The following IGF1R variants were observed in gnomAD, a reference collection of about 807,000 sequenced individuals.
The protein encoded by IGF1R is insulin-like growth factor 1 receptor.
In IGF1R, 44 loss-of-function variants were observed where a neutral mutation model predicts 144.6. The ratio of observed to expected loss-of-function variants is 0.30; its 90% CI spans 0.24 to 0.39. The LOEUF is 0.39. IGF1R is among the 10% of genes least tolerant of loss of function. The pLI, the probability that IGF1R is intolerant of heterozygous loss-of-function variation, is 1.00. For missense variants in IGF1R, 1,355 were observed against 1,833.7 expected, an observed-to-expected ratio of 0.74 and a Z score of 4.77; for synonymous variants, 795 against 722.8, an observed-to-expected ratio of 1.10 and a Z score of -1.60.
chr15:98,852,155 C>T (rs981641565), intron 2 of IGF1R, among the ~76,000 whole-genome samples: 2 of 152,252 alleles, frequency 1.3e-5, no homozygotes, highest in Non-Finnish European at 2.9e-5. Flanking sequence ...AAAACCTTTG[C>T]GGTTTTCCAC....
At chr15:98,697,068 A>G (rs956488349) in intron 1 of IGF1R, among the ~76,000 whole-genome samples, 4 of 152,176 alleles carry the variant, frequency 2.6e-5, no homozygotes, top group African/African-American at 4.8e-5. Context: ...CAGAAGTTGT[A>G]GCAGATACAA....
rs148706884 is a variant in IGF1R, at chr15:98,961,460, C to T, written c.*4018C>T. 1 of 233,448 alleles carries T rather than the reference C, an allele frequency of 4.3e-6. No individual in the cohort carries two copies. Among genetic ancestry groups the T allele is most frequent in the Non-Finnish European group, 8.5e-6 (1 of 118,018 alleles). The allele number at this position is 233,448 out of a possible 1,614,324, so 14.5% of individuals were successfully genotyped here. ...GCAGTCACTTTACTGGACCAACCCA[C>T]CCACCTTGACTATACCAAGGCATCA... On this transcript the variant is annotated 3_prime_UTR_variant, in exon 21 of 21. Transcript: ENST00000650285.
chr15:98,895,222 CCACACACACACACACACACACACACA>C (rs10704966), intron 3 of IGF1R, among the ~76,000 whole-genome samples: 7 of 143,300 alleles, frequency 4.9e-5, no homozygotes, highest in Non-Finnish European at 9.1e-5. Context: ...TGACACAGCA[CCACACACACACACACACACACACACA>C]CACACACACA....
chr15:98,899,841 C>T (rs562965595), intron 5 of IGF1R, among the ~76,000 whole-genome samples: 1 of 152,174 alleles, frequency 6.6e-6, no homozygotes, highest in Non-Finnish European at 1.5e-5. Context: ...ATCACCCTTA[C>T]TGGATTTTGC....
At chr15:98,759,064 C>T (rs1430684289) in intron 2 of IGF1R, among the ~76,000 whole-genome samples, 1 of 152,178 alleles carries the variant, frequency 6.6e-6, no homozygotes, top group Non-Finnish European at 1.5e-5. Context: ...TCTTAGAGTC[C>T]TCATCCTCTG....
At chr15:98,706,907 T>C (rs992087394) in intron 1 of IGF1R, among the ~76,000 whole-genome samples, 3 of 146,818 alleles carry the variant, frequency 2.0e-5, no homozygotes, top group African/African-American at 7.6e-5. Flanking sequence ...TTGGAGTTTA[T>C]GCTGCTTTTA....
At chr15:98,833,879 C>G (rs944734341) in intron 2 of IGF1R, among the ~76,000 whole-genome samples, 1 of 152,114 alleles carries the variant, frequency 6.6e-6, no homozygotes, top group Non-Finnish European at 1.5e-5. Context: ...AAAAAATATT[C>G]ATGCTTGCAT....
Position 98,648,868 on chromosome 15 carries a change from G to A in IGF1R, c.-714G>A, listed in dbSNP as rs1399297997. On this transcript the variant is annotated 5_prime_UTR_variant, in exon 1 of 21. Transcript: ENST00000650285. ...GCAGGCGGCGGCGGGCGGGGGCCGG[G>A]CGGGGGCCGGCGCGGGGCGGGCGGC... The A allele has an allele frequency of 6.9e-6, 1 of 145,350 alleles. No individual in the cohort carries two copies. The allele number at this position is 145,350 out of a possible 1,614,324, so 9.0% of individuals were successfully genotyped here.
chr15:98,682,374 G>T (rs765091415), intron 1 of IGF1R, among the ~76,000 whole-genome samples: 3 of 152,140 alleles, frequency 2.0e-5, no homozygotes, highest in Non-Finnish European at 2.9e-5. Flanking sequence ...TCACATTGAA[G>T]AAGCATATCT....
At chr15:98,745,200 G>A (rs2054834484) in intron 2 of IGF1R, among the ~76,000 whole-genome samples, 1 of 152,204 alleles carries the variant, frequency 6.6e-6, no homozygotes, top group South Asian at 2.1e-4. Flanking sequence ...ACTTGATTGA[G>A]CTTTCTACTG....
intron 1 of IGF1R, among the ~76,000 whole-genome samples, chr15:98,703,280 G>A (rs1222634662): frequency 6.6e-6 from 1 of 152,084 alleles, no homozygotes; most frequent in South Asian, 2.1e-4. Context: ...TTTAATCATC[G>A]GTGAGTAGCC....
At chr15:98,786,650 T>TTTG (rs915986472) in intron 2 of IGF1R, among the ~76,000 whole-genome samples, 13 of 152,164 alleles carry the variant, frequency 8.5e-5, no homozygotes, top group African/African-American at 2.4e-4. Context: ...ACTGTCTTTT[T>TTTG]TTGTTGTTGT....
At chr15:98,712,612 CTT>C (rs71149413) in intron 2 of IGF1R, among the ~76,000 whole-genome samples, 218 of 143,810 alleles carry the variant, frequency 1.5e-3, no homozygotes, top group Non-Finnish European at 2.0e-3. Flanking sequence ...TCAGTATGCA[CTT>C]TTTTTTTTTT....
intron 8 of IGF1R, 151 bp from the exon 9 acceptor site, chr15:98,915,813 A>G: frequency 1.3e-6 from 1 of 754,704 alleles, no homozygotes; most frequent in South Asian, 1.5e-5. Flanking sequence ...ATTTCAAAAT[A>G]AGGTTCACTT....
Position 98,962,856 on chromosome 15 carries a change from A to G in IGF1R, c.*5414A>G, listed in dbSNP as rs1186852426. 1 of 233,658 alleles carries G rather than the reference A, an allele frequency of 4.3e-6. No individual in the cohort carries two copies. The highest frequency in any genetic ancestry group is 8.5e-6 in the Non-Finnish European group (1 of 118,078). 14.5% of individuals were successfully genotyped at this position (233,658 alleles called of 1,614,324 possible). On this transcript the variant is annotated 3_prime_UTR_variant, in exon 21 of 21. Transcript: ENST00000650285. ...TCTCGGAGTTAAGGCGAATTGTTCA[A>G]GAACACAAACTACATCGCACTCGTC...
chr15:98,818,596 G>C (rs118146671), intron 2 of IGF1R, among the ~76,000 whole-genome samples: 1 of 151,790 alleles, frequency 6.6e-6, no homozygotes, highest in African/African-American at 2.4e-5. Context: ...GGGGGTAGGG[G>C]TGCAGTCCTG....
At chr15:98,840,624 A>G (rs2011156693) in intron 2 of IGF1R, among the ~76,000 whole-genome samples, 1 of 150,712 alleles carries the variant, frequency 6.6e-6, no homozygotes, top group South Asian at 2.1e-4. Context: ...CTAATTATTT[A>G]TAGAGATGGG....
At chr15:98,778,161 A>G (rs1480091139) in intron 2 of IGF1R, among the ~76,000 whole-genome samples, 2 of 152,152 alleles carry the variant, frequency 1.3e-5, no homozygotes, top group Non-Finnish European at 2.9e-5. Flanking sequence ...ACGGCGATGT[A>G]TCCCCAAGGG....
intron 2 of IGF1R, among the ~76,000 whole-genome samples, chr15:98,752,148 C>T (rs1275881987): frequency 1.3e-5 from 2 of 152,148 alleles, no homozygotes; most frequent in Non-Finnish European, 2.9e-5. Flanking sequence ...TGCTCATTTA[C>T]CCTTCCAGAC....
Sources: gnomAD v4.1 joint callset for allele counts (sites outside exome capture counted in the v4.1 genomes callset) on GRCh38, gnomAD v4.1.1 for gene constraint, MANE v1.5 for transcripts, NCBI Gene and HGNC (gene_info 2026-07-23, HGNC 2026-07-21) for gene names.